STMN1: variants seen among roughly 807,000 people sequenced by gnomAD.
STMN1 encodes stathmin.
Under a neutral mutation model 19.7 loss-of-function variants are expected in STMN1, and 3 were observed. That is an observed-to-expected ratio of 0.15 (90% CI 0.07 to 0.39). The LOEUF (loss-of-function observed/expected upper bound fraction) is 0.39. Ranked by LOEUF, STMN1 falls within the 10% of genes least tolerant of loss-of-function variation. The pLI is 1.00. For synonymous variants in STMN1, 59 were observed against 58.9 expected (o/e 1.00, Z -0.01); for missense variants, 99 against 176.0 (o/e 0.56, Z 2.48).
chr1:25,895,638 A>G (rs1024020120), downstream of STMN1, among the ~76,000 whole-genome samples: 18 of 152,248 alleles, frequency 1.2e-4, no homozygotes, highest in African/African-American at 4.3e-4. Context: ...CTGCAAGCCC[A>G]GGGTTGCCAG....
At position 25,900,548 on chromosome 1, in the gene STMN1, CAAAAG is replaced by C. The variant is rs2048859979; in HGVS notation, c.*463_*467del. The stretch of plus-strand genomic sequence containing the variant: ...TATGGCTTGATTTATTAACCTAACT[CAAAAG>C]AAGTCACTGCCACCAACAGCACTGT... On this transcript the variant is annotated 3_prime_UTR_variant, in exon 5 of 5. Coordinates refer to ENST00000455785, the MANE Select transcript of STMN1 (RefSeq NM_005563.4). 2.1e-5 allele frequency: 21 copies of C among 986,080 alleles called. No individual in the cohort carries two copies. Among genetic ancestry groups the C allele is most frequent in the Non-Finnish European group, 2.5e-5 (21 of 830,130 alleles). 61.1% of individuals were successfully genotyped at this position (986,080 alleles called of 1,614,324 possible).
chr1:25,890,653 A>C (rs948966006), intron 4 of STMN1, among the ~76,000 whole-genome samples: 2 of 152,174 alleles, frequency 1.3e-5, no homozygotes, highest in Admixed American at 1.3e-4. Context: ...CTCTCTGGCC[A>C]CTAGAGCCAG....
At chr1:25,899,536 T>C (rs1185027964), downstream of STMN1, among the ~76,000 whole-genome samples, 1 of 152,220 alleles carries the variant, frequency 6.6e-6, no homozygotes, top group East Asian at 1.9e-4. Flanking sequence ...ATTCCTCTGA[T>C]TGATCATTTA....
chr1:25,888,281 T>C (rs1313304314), intron 4 of STMN1, among the ~76,000 whole-genome samples: 1 of 152,154 alleles, frequency 6.6e-6, no homozygotes, highest in Admixed American at 6.5e-5. Context: ...AGACATGCCA[T>C]GCCCGACCAC....
At chr1:25,896,418 G>A (rs2048818836), downstream of STMN1, among the ~76,000 whole-genome samples, 1 of 152,194 alleles carries the variant, frequency 6.6e-6, no homozygotes, top group South Asian at 2.1e-4. Context: ...AGGCCACAGG[G>A]ATTGGAAGCT....
At chr1:25,901,401 C>G in intron 4 of STMN1, 90 bp downstream of exon 4, 1 of 1,444,716 alleles carries the variant, frequency 6.9e-7, no homozygotes, top group Non-Finnish European at 9.3e-7. Flanking sequence ...AAAAAGACAC[C>G]AAACACCTTT....
chr1:25,888,528 A>G (rs2048744012), intron 4 of STMN1, among the ~76,000 whole-genome samples: 4 of 152,184 alleles, frequency 2.6e-5, no homozygotes, highest in African/African-American at 7.2e-5. Context: ...AGCTCAGTGT[A>G]TGGGGTAACC....
chr1:25,900,920 A>C lies in STMN1; in HGVS notation c.*96T>G. ...ATACAGTCCTACATTAGCTTCTAAA[A>C]TATTTGTCAGGAGGGAAAAAATAAA... On this transcript the variant is annotated 3_prime_UTR_variant, in exon 5 of 5. Transcript: ENST00000455785. The C allele has an allele frequency of 6.3e-7, 1 of 1,599,318 alleles. No individual in the cohort carries two copies. Among genetic ancestry groups the C allele is most frequent in the African/African-American group, 1.3e-5 (1 of 74,148 alleles).
chr1:25,895,746 C>A (rs1460292953), downstream of STMN1, among the ~76,000 whole-genome samples: 1 of 152,242 alleles, frequency 6.6e-6, no homozygotes, highest in East Asian at 1.9e-4. Context: ...CTGAATGCAA[C>A]ATGCCTATGG....
downstream of STMN1, among the ~76,000 whole-genome samples, chr1:25,897,578 G>GCCCT (rs2048829839): frequency 6.6e-6 from 1 of 152,134 alleles, no homozygotes; most frequent in Non-Finnish European, 1.5e-5. Flanking sequence ...AGGATAAGAG[G>GCCCT]CCCTGCCTTT....
At chr1:25,905,633 A>AAGGGG in intron 1 of STMN1, 1 of 151,992 alleles carries the variant, frequency 6.6e-6, no homozygotes, top group East Asian at 2.0e-4. Context: ...CGCGCGTGGG[A>AAGGGG]AGGGGAGGGG....
chr1:25,904,794 C>T, intron 1 of STMN1, 56 bp from the exon 2 acceptor site: 3 of 1,420,114 alleles, frequency 2.1e-6, no homozygotes, highest in Non-Finnish European at 2.9e-6. Context: ...TATATGTCAT[C>T]AACCCAAAAA....
chr1:25,900,075 T>C (rs1462202787), downstream of STMN1: 1 of 985,414 alleles, frequency 1.0e-6, no homozygotes, highest in East Asian at 1.1e-4. Context: ...CAAATGCTAC[T>C]TTAGAAATAA....
chr1:25,892,525 T>C (rs2048784965), intron 4 of STMN1: 1 of 985,126 alleles, frequency 1.0e-6, no homozygotes, highest in Non-Finnish European at 1.2e-6. Context: ...TCAGATTCCT[T>C]CTTTAAACAG....
At chr1:25,888,222 C>G (rs549475590) in intron 4 of STMN1, among the ~76,000 whole-genome samples, 2 of 152,202 alleles carry the variant, frequency 1.3e-5, no homozygotes, top group Non-Finnish European at 2.9e-5. Flanking sequence ...AACATGTTGA[C>G]TATTTTGATT....
At chr1:25,894,854 G>A (rs2048805133) in intron 4 of STMN1, among the ~76,000 whole-genome samples, 1 of 151,154 alleles carries the variant, frequency 6.6e-6, no homozygotes, top group South Asian at 2.1e-4. Context: ...TTACAGGTGT[G>A]TACCACCACA....
chr1:25,898,864 C>A (rs1389180846), downstream of STMN1, among the ~76,000 whole-genome samples: 1 of 152,208 alleles, frequency 6.6e-6, no homozygotes, highest in Non-Finnish European at 1.5e-5. Context: ...CCCAGAAGCT[C>A]GTAGGTGCCA....
At chr1:25,901,372 A>T in intron 4 of STMN1, 119 bp downstream of exon 4, 1 of 1,290,604 alleles carries the variant, frequency 7.7e-7, no homozygotes, top group Non-Finnish European at 1.1e-6. Flanking sequence ...TTAATATGTT[A>T]AGCCCCAAAA....
intron 4 of STMN1, among the ~76,000 whole-genome samples, chr1:25,891,062 G>A (rs1391428015): frequency 1.3e-5 from 2 of 152,206 alleles, no homozygotes; most frequent in Non-Finnish European, 2.9e-5. Flanking sequence ...GCCGGGCACA[G>A]CAGCTCATGT....
Sources: gnomAD v4.1 joint callset for allele counts (sites outside exome capture counted in the v4.1 genomes callset) on GRCh38, gnomAD v4.1.1 for gene constraint, MANE v1.5 for transcripts, NCBI Gene and HGNC (gene_info 2026-07-23, HGNC 2026-07-21) for gene names.